P2RY12: variants seen among roughly 807,000 people sequenced by gnomAD.
P2RY12 encodes the protein purinergic receptor P2Y12.
A neutral mutation model predicts 4.5 loss-of-function variants in P2RY12; 3 were observed. That is an observed-to-expected ratio of 0.67 (90% CI 0.31 to 1.74). The LOEUF (loss-of-function observed/expected upper bound fraction) is 1.74. Among genes scored for constraint, P2RY12 ranks in the 40% most tolerant of loss-of-function variants. P2RY12 has a pLI of 0.09. For missense variants in P2RY12, 356 were observed against 407.8 expected (o/e 0.87, Z 1.09); for synonymous variants, 148 against 154.1 (o/e 0.96, Z 0.29).
intron 1 of P2RY12, among the ~76,000 whole-genome samples, chr3:151,372,172 A>G (rs1199538448): frequency 6.6e-6 from 1 of 152,302 alleles, no homozygotes; most frequent in East Asian, 1.9e-4. Context: ...AAGAAATGGA[A>G]AAGGGACATC....
At chr3:151,378,971 T>C (rs1421231266) in intron 1 of P2RY12, among the ~76,000 whole-genome samples, 1 of 152,212 alleles carries the variant, frequency 6.6e-6, no homozygotes, top group African/African-American at 2.4e-5. Flanking sequence ...CTTTATATCA[T>C]GTTGAAACAG....
chr3:151,363,856 A>G (rs1754938382), intron 1 of P2RY12, among the ~76,000 whole-genome samples: 1 of 152,160 alleles, frequency 6.6e-6, no homozygotes, highest in Non-Finnish European at 1.5e-5. Flanking sequence ...CTGAAACTAC[A>G]TTTTGGTAAA....
At chr3:151,380,528 C>G (rs1285773011) in intron 1 of P2RY12, among the ~76,000 whole-genome samples, 2 of 147,858 alleles carry the variant, frequency 1.4e-5, no homozygotes, top group Non-Finnish European at 3.0e-5. Flanking sequence ...ACCTGGGAGG[C>G]AGAGGCTGCA....
intron 1 of P2RY12, chr3:151,365,827 T>G: frequency 6.3e-7 from 1 of 1,587,238 alleles, no homozygotes; most frequent in South Asian, 1.1e-5. Flanking sequence ...GGTTACTTTC[T>G]GTGTCTTCTT....
chr3:151,371,061 C>G (rs909470743), intron 1 of P2RY12, among the ~76,000 whole-genome samples: 9 of 152,240 alleles, frequency 5.9e-5, no homozygotes, highest in African/African-American at 1.9e-4. Flanking sequence ...CACAGACTCT[C>G]ATACCTTCTC....
In P2RY12 at chr3:151,372,885, C is replaced by T. The variant is rs181955885; in HGVS notation, c.-180+11807G>A. 64 of 683,796 alleles carry T rather than the reference C, an allele frequency of 9.4e-5. No homozygotes were observed. The East Asian group carries it at 9.5e-4, about 10-fold the overall frequency. The allele number at this position is 683,796 out of a possible 1,614,324, so 42.4% of individuals were successfully genotyped here. On this transcript the variant is annotated intron_variant, in intron 1 of 2. Transcript: ENST00000302632. ...CCTTTTTTTCTTGCTCACTTTATTT[C>T]GAAATAATTTTAAGTTTGCTGAAAA...
intron 1 of P2RY12, among the ~76,000 whole-genome samples, chr3:151,349,132 A>T (rs1448327707): frequency 6.6e-6 from 1 of 152,254 alleles, no homozygotes; most frequent in African/African-American, 2.4e-5. Context: ...TGCTATAGAA[A>T]GATTCAGAGC....
At chr3:151,350,292 C>T in intron 1 of P2RY12, 1 of 1,333,024 alleles carries the variant, frequency 7.5e-7, no homozygotes, top group Non-Finnish European at 1.0e-6. Context: ...TTCTATGTCA[C>T]TGTCAACAGA....
chr3:151,369,376 T>C, intron 1 of P2RY12: 1 of 1,209,960 alleles, frequency 8.3e-7, no homozygotes, highest in Non-Finnish European at 1.2e-6. Flanking sequence ...TGCCTGTAAA[T>C]AATTACAAAA....
At chr3:151,340,157 C>T (rs908253927) in intron 2 of P2RY12, among the ~76,000 whole-genome samples, 1 of 152,044 alleles carries the variant, frequency 6.6e-6, no homozygotes, top group African/African-American at 2.4e-5. Context: ...TAATGTTTTC[C>T]AATACAAGAT....
At position 151,365,030 on chromosome 3, in the gene P2RY12, A is replaced by C. The variant is rs1032412950; in HGVS notation, c.-180+19662T>G. On this transcript the variant is annotated intron_variant, in intron 1 of 2. Transcript: ENST00000302632. ...CCATATATAATAACGTGATGCCTGC[A>C]AATTCGAACTTGCGATGGGATCCAG... 6 of 1,613,992 alleles carry C rather than the reference A, an allele frequency of 3.7e-6. No homozygotes were observed. In the African/African-American group the frequency reaches 8.0e-5, roughly 22 times the overall value.
intron 1 of P2RY12, among the ~76,000 whole-genome samples, chr3:151,342,041 T>C (rs1751922698): frequency 6.6e-6 from 1 of 152,214 alleles, no homozygotes; most frequent in Admixed American, 6.5e-5. Context: ...TAAACATACG[T>C]GTGCATGTGT....
At chr3:151,343,149 A>C (rs1044706015) in intron 1 of P2RY12, among the ~76,000 whole-genome samples, 2 of 152,196 alleles carry the variant, frequency 1.3e-5, no homozygotes, top group African/African-American at 4.8e-5. Context: ...TCTTTCAATA[A>C]AATAAGGACC....
intron 1 of P2RY12, chr3:151,376,224 A>G: frequency 6.9e-7 from 1 of 1,447,924 alleles, no homozygotes; most frequent in East Asian, 2.6e-5. Context: ...GGTCAGTCGT[A>G]TACAGATTGT....
At chr3:151,346,564 G>A (rs561437366) in intron 1 of P2RY12, among the ~76,000 whole-genome samples, 81 of 152,208 alleles carry the variant, frequency 5.3e-4, no homozygotes, top group African/African-American at 1.9e-3. Flanking sequence ...CATCCATTGT[G>A]ACTTCTTAAC....
intron 1 of P2RY12, chr3:151,360,715 C>A: frequency 1.0e-6 from 1 of 1,003,296 alleles, no homozygotes; most frequent in Non-Finnish European, 1.5e-6. Flanking sequence ...GCAATTGTAT[C>A]TATTAGGCAG....
chr3:151,382,880 T>G, intron 1 of P2RY12: 106 of 596,930 alleles, frequency 1.8e-4, no homozygotes, highest in Non-Finnish European at 2.5e-4. Context: ...CTGTAATTAC[T>G]TCCCTGTTTC....
intron 1 of P2RY12, among the ~76,000 whole-genome samples, chr3:151,358,726 G>A (rs1208385268): frequency 6.6e-6 from 1 of 152,050 alleles, no homozygotes; most frequent in East Asian, 1.9e-4. Flanking sequence ...TAAGTATTAT[G>A]CTTAAAACTA....
Position 151,383,329 on chromosome 3 carries a change from C to T in P2RY12, c.-180+1363G>A, listed in dbSNP as rs62285882. 3.3e-4 allele frequency among the ~76,000 whole-genome samples: 51 copies of T among 152,350 alleles called. 1 individual carries two copies. The highest frequency in any genetic ancestry group is 3.3e-3 in the South Asian group (16 of 4,832). The stretch of plus-strand genomic sequence containing the variant: ...CTGGTAGGTGTGCGGGCCAAGCCTC[C>T]TGCCCACCACTGCTGTGATAGTGGA... On this transcript the variant is annotated intron_variant, in intron 1 of 2. Transcript: ENST00000302632.
Sources: gnomAD v4.1 joint callset for allele counts (sites outside exome capture counted in the v4.1 genomes callset) on GRCh38, gnomAD v4.1.1 for gene constraint, MANE v1.5 for transcripts, NCBI Gene and HGNC (gene_info 2026-07-23, HGNC 2026-07-21) for gene names.